Variants in CCDC91 observed in about 807,000 individuals in gnomAD.
The protein encoded by CCDC91 is coiled-coil domain-containing protein 91.
In CCDC91, 48 loss-of-function variants were observed where a neutral mutation model predicts 63.2. That is an observed-to-expected ratio of 0.76 (90% CI 0.60 to 0.97). CCDC91 has a LOEUF of 0.97. Among genes scored for constraint, CCDC91 ranks in the 50% least tolerant of loss-of-function variants. The probability of loss-of-function intolerance (pLI) is 0.00; values close to 1 mark genes in which losing one functional copy is unlikely to be tolerated. For missense variants in CCDC91, 500 were observed against 494.6 expected (o/e 1.01, Z -0.10); for synonymous variants, 167 against 165.8 (o/e 1.01, Z -0.06).
At chr12:28,340,648 G>C (rs1592360869) in intron 6 of CCDC91, among the ~76,000 whole-genome samples, 1 of 152,240 alleles carries the variant, frequency 6.6e-6, no homozygotes, top group South Asian at 2.1e-4. Flanking sequence ...TTGCTTCTTT[G>C]GTGGCCCGCT....
chr12:28,269,698 C>T (rs1947609511), intron 3 of CCDC91, among the ~76,000 whole-genome samples: 1 of 151,984 alleles, frequency 6.6e-6, no homozygotes, highest in South Asian at 2.1e-4. Context: ...GTTGTGGATT[C>T]CTGAATATCA....
intron 3 of CCDC91, among the ~76,000 whole-genome samples, chr12:28,271,761 A>AATACAAAG (rs1443772501): frequency 5.9e-5 from 9 of 151,840 alleles, no homozygotes; most frequent in Non-Finnish European, 1.2e-4. Flanking sequence ...CCTCTTGAAA[A>AATACAAAG]ATACAAAGAA....
At chr12:28,242,643 A>G (rs567307437) in intron 1 of CCDC91, among the ~76,000 whole-genome samples, 2 of 152,200 alleles carry the variant, frequency 1.3e-5, no homozygotes, top group South Asian at 4.2e-4. Context: ...ATTGGGGTCT[A>G]GGTTGTTATC....
chr12:28,411,699 T>C (rs750252987), intron 8 of CCDC91, among the ~76,000 whole-genome samples: 4 of 152,198 alleles, frequency 2.6e-5, no homozygotes, highest in Non-Finnish European at 5.9e-5. Context: ...TCTTATAAGA[T>C]TATAATAGAA....
intron 8 of CCDC91, among the ~76,000 whole-genome samples, chr12:28,426,444 G>A (rs1948321628): frequency 6.6e-6 from 1 of 151,974 alleles, no homozygotes; most frequent in Non-Finnish European, 1.5e-5. Flanking sequence ...TTTTCAGTGT[G>A]TTACACCTTT....
intron 3 of CCDC91, among the ~76,000 whole-genome samples, chr12:28,280,593 T>C (rs747244740): frequency 2.0e-5 from 3 of 152,106 alleles, no homozygotes; most frequent in Non-Finnish European, 4.4e-5. Context: ...TAGAAGAACA[T>C]ATAGGTAAAT....
chr12:28,333,439 T>C (rs940376315), intron 6 of CCDC91, among the ~76,000 whole-genome samples: 6 of 151,926 alleles, frequency 3.9e-5, no homozygotes, highest in African/African-American at 9.7e-5. Context: ...AAATTTTTTT[T>C]CCCACTTTGT....
At chr12:28,548,935 C>G in intron 12 of CCDC91, 128 bp from the exon 13 acceptor site, 1 of 609,538 alleles carries the variant, frequency 1.6e-6, no homozygotes, top group Non-Finnish European at 3.0e-6. Flanking sequence ...GTTGAAAGTA[C>G]TATTTGATTT....
chr12:28,269,062 T>G (rs1168989416), intron 3 of CCDC91, among the ~76,000 whole-genome samples: 1 of 152,156 alleles, frequency 6.6e-6, no homozygotes, highest in Non-Finnish European at 1.5e-5. Context: ...CTGACAGATA[T>G]GCCCTATGCA....
At chr12:28,195,426 C>T (rs567420528) in intron 1 of CCDC91, among the ~76,000 whole-genome samples, 23 of 151,668 alleles carry the variant, frequency 1.5e-4, no homozygotes, top group Non-Finnish European at 2.2e-4. Context: ...GAAGTCCAGC[C>T]GGCTTCACCT....
At chr12:28,337,001 T>A (rs1172787894) in intron 6 of CCDC91, among the ~76,000 whole-genome samples, 1 of 152,144 alleles carries the variant, frequency 6.6e-6, no homozygotes, top group Non-Finnish European at 1.5e-5. Context: ...TGTCAATAGC[T>A]CTGTGTTTCA....
At chr12:28,461,571 A>G (rs1399554893) in intron 11 of CCDC91, among the ~76,000 whole-genome samples, 1 of 152,010 alleles carries the variant, frequency 6.6e-6, no homozygotes, top group African/African-American at 2.4e-5. Context: ...TAAGTAGCCT[A>G]AGTTTTCTAA....
At chr12:28,257,868 C>G (rs577610302) in intron 2 of CCDC91, among the ~76,000 whole-genome samples, 9 of 150,810 alleles carry the variant, frequency 6.0e-5, no homozygotes, top group African/African-American at 2.2e-4. Context: ...AGGAAAATCT[C>G]TGGATTAGGA....
At chr12:28,251,368 A>G (rs545402260) in intron 1 of CCDC91, among the ~76,000 whole-genome samples, 6 of 152,204 alleles carry the variant, frequency 3.9e-5, no homozygotes, top group South Asian at 2.1e-4. Flanking sequence ...GAATACTTGT[A>G]ATATGGGAAG....
chr12:28,395,134 C>T (rs575501933), intron 8 of CCDC91, among the ~76,000 whole-genome samples: 1 of 152,052 alleles, frequency 6.6e-6, no homozygotes, highest in African/African-American at 2.4e-5. Context: ...GTCAAAGAAC[C>T]TTTACTTTTT....
intron 1 of CCDC91, among the ~76,000 whole-genome samples, chr12:28,202,682 C>T (rs1942554237): frequency 6.6e-6 from 1 of 152,230 alleles, no homozygotes; most frequent in South Asian, 2.1e-4. Context: ...CCCACTTGTA[C>T]AGAGCTTAAA....
intron 8 of CCDC91, among the ~76,000 whole-genome samples, chr12:28,445,671 T>C (rs1426661637): frequency 6.6e-6 from 1 of 152,220 alleles, no homozygotes; most frequent in East Asian, 1.9e-4. Context: ...GCACCCACCA[T>C]AGACTGGCTT....
At position 28,484,169 on chromosome 12, in the gene CCDC91, A is replaced by G. The variant is rs1416527379; in HGVS notation, c.1215+4A>G. 6.5e-7 allele frequency: 1 copy of G among 1,542,204 alleles called. No individual in the cohort carries two copies. Among genetic ancestry groups the G allele is most frequent in the Admixed American group, 1.7e-5 (1 of 57,180 alleles). On this transcript the variant is annotated splice_donor_region_variant and intron_variant, in intron 12 of 12. Coordinates refer to ENST00000536442, the MANE Select transcript of CCDC91 (RefSeq NM_018318.5). ...GTATATAAAAGAACAGAAAAGGGTA[A>G]GTATCTCCTGAAGAGTTTTAATTTG...
At chr12:28,268,640 A>G (rs1347690123) in intron 3 of CCDC91, 10 of 985,030 alleles carry the variant, frequency 1.0e-5, no homozygotes, top group Non-Finnish European at 1.2e-5. Context: ...TTGGCCACAG[A>G]GCTATATCCA....
Sources: allele counts gnomAD v4.1 joint callset (sites outside exome capture counted in the v4.1 genomes callset), GRCh38; gene constraint gnomAD v4.1.1; transcripts MANE v1.5; gene names NCBI Gene and HGNC (gene_info 2026-07-23, HGNC 2026-07-21).